The following CIB1 variants were observed in gnomAD, a reference collection of about 807,000 sequenced individuals.
The protein encoded by CIB1 is calcium and integrin binding 1.
CIB1 carries 19 observed loss-of-function variants against 25.0 expected under a neutral mutation model. That is an observed-to-expected ratio of 0.76 (90% CI 0.53 to 1.12). The LOEUF (loss-of-function observed/expected upper bound fraction) is 1.12. Among genes scored for constraint, CIB1 ranks in the 50% most tolerant of loss-of-function variants. The probability of loss-of-function intolerance (pLI) is 0.00; values close to 1 mark genes in which losing one functional copy is unlikely to be tolerated. For synonymous variants in CIB1, 104 were observed against 98.5 expected, an observed-to-expected ratio of 1.06 and a Z score of -0.33; for missense variants, 236 against 242.6, an observed-to-expected ratio of 0.97 and a Z score of 0.18.
the CIB1 span, among the ~76,000 whole-genome samples, chr15:90,260,867 A>AG: frequency 6.0e-5 from 9 of 151,162 alleles, no homozygotes; most frequent in Non-Finnish European, 1.0e-4. Flanking sequence ...AAAAAAAAAA[A>AG]AGAGAGAAAG....
chr15:90,231,696 G>A (rs753144431), intron 3 of CIB1, among the ~76,000 whole-genome samples, 189 bp from the exon 4 acceptor site: 16 of 152,226 alleles, frequency 1.1e-4, no homozygotes, highest in Admixed American at 2.0e-4. Flanking sequence ...AGCTGGGGAA[G>A]GGACTGAGAT....
chr15:90,264,121 G>A, the CIB1 span: 1 of 1,026,334 alleles, frequency 9.7e-7, no homozygotes, highest in African/African-American at 1.6e-5. Context: ...CAAGCATAGA[G>A]CTTGGATGCC....
the CIB1 span, chr15:90,250,938 T>C: frequency 6.9e-6 from 11 of 1,582,856 alleles, no homozygotes; most frequent in Admixed American, 5.5e-5. Flanking sequence ...GAGTCACCCA[T>C]TGGCCTCCCT....
At chr15:90,233,143 T>C (rs9744242) in intron 2 of CIB1, among the ~76,000 whole-genome samples, 76,737 of 152,082 alleles carry the variant, frequency 0.5, 19,904 homozygotes, top group East Asian at 0.81. Flanking sequence ...ATCTACTTAC[T>C]CAGAGTGTTG....
chr15:90,257,260 G>A, the CIB1 span: 137 of 1,612,846 alleles, frequency 8.5e-5, 1 homozygote, highest in Non-Finnish European at 1.1e-4. Flanking sequence ...CGCCCTATAT[G>A]GAGCCCAGCC....
At chr15:90,241,094 A>G in the CIB1 span, 3 of 1,613,870 alleles carry the variant, frequency 1.9e-6, no homozygotes, top group Admixed American at 3.3e-5. Context: ...TTGATGCTGC[A>G]CTCTGCTCTG....
the CIB1 span, among the ~76,000 whole-genome samples, chr15:90,253,539 T>C: frequency 3.3e-5 from 5 of 152,190 alleles, no homozygotes; most frequent in Non-Finnish European, 7.3e-5. Flanking sequence ...CTCTTGGAGA[T>C]TGTGGGTTTC....
chr15:90,263,048 A>T, the CIB1 span: 5 of 1,536,030 alleles, frequency 3.3e-6, no homozygotes, highest in African/African-American at 6.8e-5. Flanking sequence ...GCCCTGCTAC[A>T]AAGGGAGACT....
At chr15:90,231,588 A>T in intron 3 of CIB1, 81 bp from the exon 4 acceptor site, 3 of 1,524,682 alleles carry the variant, frequency 2.0e-6, no homozygotes, top group Non-Finnish European at 2.7e-6. Context: ...AGCAGGTCAC[A>T]GGACCAGCAC....
chr15:90,257,208 G>A, the CIB1 span: 12 of 1,613,452 alleles, frequency 7.4e-6, no homozygotes, highest in Middle Eastern at 1.6e-4. Context: ...GACCCTCTCC[G>A]GATCTTCACA....
At chr15:90,263,075 G>A in the CIB1 span, 2 of 1,536,106 alleles carry the variant, frequency 1.3e-6, no homozygotes, top group Non-Finnish European at 1.7e-6. Context: ...CGAAGCCTGG[G>A]TATTGTAGAG....
chr15:90,231,809 G>T (rs892596287), intron 3 of CIB1, among the ~76,000 whole-genome samples: 1 of 152,224 alleles, frequency 6.6e-6, no homozygotes, highest in Admixed American at 6.5e-5. Flanking sequence ...GGAACGAGAT[G>T]GGCTGGTTAT....
chr15:90,263,204 C>T, the CIB1 span: 1 of 1,423,126 alleles, frequency 7.0e-7, no homozygotes, highest in South Asian at 1.4e-5. Flanking sequence ...CATTCCAGGA[C>T]ATGGTGTTGG....
At chr15:90,254,233 G>A in the CIB1 span, among the ~76,000 whole-genome samples, 21 of 148,196 alleles carry the variant, frequency 1.4e-4, no homozygotes, top group Non-Finnish European at 2.2e-4. Flanking sequence ...AGTGGCTCAC[G>A]CCTGTAATCC....
chr15:90,255,724 TG>T, the CIB1 span: 1 of 1,614,014 alleles, frequency 6.2e-7, no homozygotes, highest in Non-Finnish European at 8.5e-7. Context: ...CCACTTACTC[TG>T]GGGGCTCATA....
the CIB1 span, chr15:90,257,337 T>C: frequency 6.4e-7 from 1 of 1,564,612 alleles, no homozygotes; most frequent in Non-Finnish European, 8.6e-7. Context: ...TGAGGTTCTC[T>C]AGAGAAACAT....
At chr15:90,247,350 C>G in the CIB1 span, among the ~76,000 whole-genome samples, 1 of 143,058 alleles carries the variant, frequency 7.0e-6, no homozygotes, top group Non-Finnish European at 1.5e-5. Flanking sequence ...CCAGCCTGGT[C>G]TCAAACTCCT....
At chr15:90,258,994 T>A in the CIB1 span, 1 of 1,611,264 alleles carries the variant, frequency 6.2e-7, no homozygotes, top group Middle Eastern at 1.7e-4. Flanking sequence ...CTCCTTTAGA[T>A]GAAGAATGTG....
the CIB1 span, chr15:90,265,686 G>A: frequency 1.7e-5 from 27 of 1,612,330 alleles, no homozygotes; most frequent in East Asian, 2.0e-4. Flanking sequence ...TTTCGTAGCC[G>A]ACTGCTGAAG....
Sources: gnomAD v4.1 joint callset for allele counts (sites outside exome capture counted in the v4.1 genomes callset) on GRCh38, gnomAD v4.1.1 for gene constraint, MANE v1.5 for transcripts, NCBI Gene and HGNC (gene_info 2026-07-23, HGNC 2026-07-21) for gene names.